TGFB1: variants seen among roughly 807,000 people sequenced by gnomAD.
TGFB1 encodes transforming growth factor beta 1, also known as transforming growth factor beta-1 proprotein.
A neutral mutation model predicts 43.8 loss-of-function variants in TGFB1; 19 were observed. That is an observed-to-expected ratio of 0.43 (90% CI 0.30 to 0.64). The LOEUF (loss-of-function observed/expected upper bound fraction) is 0.64. TGFB1 is among the 30% of genes least tolerant of loss of function. The pLI, the probability that TGFB1 is intolerant of heterozygous loss-of-function variation, is 0.11. For missense variants in TGFB1, 445 were observed against 529.8 expected, an observed-to-expected ratio of 0.84 and a Z score of 1.57; for synonymous variants, 221 against 236.3, an observed-to-expected ratio of 0.94 and a Z score of 0.60.
intron 6 of TGFB1, among the ~76,000 whole-genome samples, chr19:41,331,742 T>C (rs2037933939): frequency 6.6e-6 from 1 of 151,730 alleles, no homozygotes. Context: ...CTGTCCCTCC[T>C]CATCTTCGCC....
intron 5 of TGFB1, among the ~76,000 whole-genome samples, chr19:41,333,851 G>A (rs1449396066): frequency 2.0e-5 from 3 of 152,168 alleles, no homozygotes; most frequent in East Asian, 1.9e-4. Flanking sequence ...AGTGCAATAC[G>A]GTATTGCAGT....
At chr19:41,347,899 C>T (rs564876218) in intron 2 of TGFB1, among the ~76,000 whole-genome samples, 7 of 150,600 alleles carry the variant, frequency 4.6e-5, no homozygotes, top group Admixed American at 1.3e-4. Context: ...TTTGGGAGAC[C>T]GAGGCAGGTG....
At chr19:41,352,348 C>G (rs866053925) in intron 1 of TGFB1, among the ~76,000 whole-genome samples, 1 of 143,906 alleles carries the variant, frequency 6.9e-6, no homozygotes, top group Non-Finnish European at 1.5e-5. Context: ...CCACGACCCC[C>G]CCCCCCATTC....
At chr19:41,349,842 C>T (rs558661478) in intron 1 of TGFB1, among the ~76,000 whole-genome samples, 12 of 152,292 alleles carry the variant, frequency 7.9e-5, no homozygotes, top group African/African-American at 2.6e-4. Context: ...GACATTTAAA[C>T]CTCACAACCT....
chr19:41,337,914 G>A (rs115200481), intron 5 of TGFB1, among the ~76,000 whole-genome samples: 1,716 of 152,294 alleles, frequency 0.011, 33 homozygotes, highest in African/African-American at 0.04. Context: ...GGCATAGGCC[G>A]GGAGCAGTGG....
chr19:41,349,672 G>T (rs1002273939), intron 1 of TGFB1, among the ~76,000 whole-genome samples: 1 of 152,098 alleles, frequency 6.6e-6, no homozygotes, highest in African/African-American at 2.4e-5. Flanking sequence ...CATGAGAATC[G>T]CTTGAACCTG....
intron 1 of TGFB1, among the ~76,000 whole-genome samples, chr19:41,349,547 G>A (rs563231890): frequency 2.6e-5 from 4 of 152,168 alleles, no homozygotes; most frequent in East Asian, 1.9e-4. Context: ...ACTTGAGGTC[G>A]GGAGTTCGAG....
chr19:41,332,895 T>A (rs1377170805), intron 5 of TGFB1, among the ~76,000 whole-genome samples: 2 of 152,132 alleles, frequency 1.3e-5, no homozygotes, highest in African/African-American at 4.8e-5. Flanking sequence ...TCAATTTTTT[T>A]AAAAAAGAGA....
intron 2 of TGFB1, among the ~76,000 whole-genome samples, chr19:41,345,681 C>A (rs2038108002): frequency 6.6e-6 from 1 of 151,708 alleles, no homozygotes; most frequent in Non-Finnish European, 1.5e-5. Flanking sequence ...GCGGGTGGAT[C>A]TCCTGAGGTC....
chr19:41,352,959 C>G lies in TGFB1; in HGVS notation c.86G>C (p.Gly29Ala), dbSNP rs199758510. The G allele has an allele frequency of 2.7e-4, 423 of 1,548,476 alleles. No individual in the cohort carries two copies. Among genetic ancestry groups the G allele is most frequent in the Non-Finnish European group, 3.4e-4 (391 of 1,149,856 alleles). The change falls in exon 1 of 7, where the codon GGA (glycine) becomes GCA (alanine). Residue 29 changes from glycine to alanine, a missense_variant. Physicochemically the swap from Gly to Ala is moderately conservative, Grantham distance 60 (BLOSUM62 0). Around this residue, in one of 3 missense-constraint regions of TGFB1, gnomAD observed 366 missense variants for 428.8 expected, o/e 0.85. Coordinates refer to ENST00000221930, the MANE Select transcript of TGFB1 (RefSeq NM_000660.7). ...GTCGATAGTCTTGCAGGTGGATAGT[C>G]CCGCGGCCGGCCGGCCAGGCGTCAG... ...LVLTPGRPAAGLSTCKTIDME... is the reference protein window; with the variant it reads ...LVLTPGRPAAALSTCKTIDME...
intron 3 of TGFB1, among the ~76,000 whole-genome samples, chr19:41,343,765 C>T (rs553076411): frequency 2.4e-4 from 36 of 152,302 alleles, no homozygotes; most frequent in Admixed American, 1.7e-3. Context: ...ATGTCCCCCA[C>T]ACCACCCAGC....
At position 41,353,912 on chromosome 19, in the gene TGFB1, G is replaced by A. The variant is rs922730012; in HGVS notation, c.-868C>T. 37 of 222,966 alleles carry A rather than the reference G, an allele frequency of 1.7e-4. No individual in the cohort carries two copies. Among genetic ancestry groups the A allele is most frequent in the Non-Finnish European group, 2.2e-4 (25 of 113,774 alleles). The allele number at this position is 222,966 out of a possible 1,614,324, so 13.8% of individuals were successfully genotyped here. On this transcript the variant is annotated 5_prime_UTR_variant, in exon 1 of 7. Transcript: ENST00000221930. This position sits in a 1 kb window ranked among gnomAD's most constrained non-coding sequence, Gnocchi z 5.9. ...AGGGAGATGGCCCAGGGCGCGAAGG[G>A]CGGCGGCGGCGGGGACCGGCTGGGT...
intron 1 of TGFB1, chr19:41,351,313 C>T (rs2038190079): frequency 6.6e-6 from 1 of 152,264 alleles, no homozygotes; most frequent in African/African-American, 2.4e-5. Context: ...TCAGTGAAAC[C>T]TGAGGGATCT....
intron 5 of TGFB1, among the ~76,000 whole-genome samples, chr19:41,339,707 C>T (rs1173067824): frequency 3.3e-5 from 5 of 152,070 alleles, no homozygotes; most frequent in African/African-American, 9.7e-5. Flanking sequence ...GCCTGTAATC[C>T]CAGCTACTCA....
At chr19:41,334,248 G>A (rs2037965500) in intron 5 of TGFB1, among the ~76,000 whole-genome samples, 1 of 151,990 alleles carries the variant, frequency 6.6e-6, no homozygotes, top group African/African-American at 2.4e-5. Flanking sequence ...GGCGGTGCTT[G>A]TCTGTAATCC....
chr19:41,348,233 C>G, intron 2 of TGFB1, 62 bp downstream of exon 2: 1 of 1,601,468 alleles, frequency 6.2e-7, no homozygotes, highest in East Asian at 2.2e-5. Context: ...CAGCCACCCC[C>G]TTGGTCACAG....
chr19:41,338,982 G>T (rs1340804512), intron 5 of TGFB1, among the ~76,000 whole-genome samples: 1 of 152,018 alleles, frequency 6.6e-6, no homozygotes, highest in African/African-American at 2.4e-5. Flanking sequence ...GTGTGTGTGT[G>T]TGTGCTTTCC....
Position 41,353,033 on chromosome 19 carries a change from G to C in TGFB1, c.12C>G (p.Ser4=), listed in dbSNP as rs201834171. The change falls in exon 1 of 7, where the codon TCC becomes TCG. Residue 4 remains serine (S), a synonymous_variant. Transcript: ENST00000221930. The surrounding 1 kb of genome is among the most constrained non-coding windows in gnomAD (Gnocchi z 5.9). ...GCAGCAGCGGCAGCAGCCGCAGCCC[G>C]GAGGGCGGCATGGGGGAGGCGGCGC... MPP[S]GLRLLPLLLP... The C allele has an allele frequency of 2.0e-6, 3 of 1,529,480 alleles. No individual in the cohort carries two copies. The highest frequency in any genetic ancestry group is 2.6e-6 in the Non-Finnish European group (3 of 1,142,538). The allele number at this position is 1,529,480 out of a possible 1,614,324, so 94.7% of individuals were successfully genotyped here. A position where few individuals can be genotyped will look rare whatever the true frequency, so the allele number is the denominator to read the frequency against.
intron 5 of TGFB1, 40 bp downstream of exon 5, chr19:41,341,843 C>T: frequency 1.9e-6 from 3 of 1,611,938 alleles, no homozygotes; most frequent in Non-Finnish European, 2.5e-6. Flanking sequence ...GCAGTCATGC[C>T]CCCAGCCTGG....
Sources: gnomAD v4.1 joint callset for allele counts (sites outside exome capture counted in the v4.1 genomes callset) on GRCh38, gnomAD v4.1.1 for gene constraint, gnomAD v4.1.1 regional missense constraint, Gnocchi (gnomAD v3.1) non-coding constraint, MANE v1.5 for transcripts, NCBI Gene and HGNC (gene_info 2026-07-23, HGNC 2026-07-21) for gene names.